CAST: variants seen among roughly 807,000 people sequenced by gnomAD.
CAST encodes MIR583 host.
In CAST, 76 loss-of-function variants were observed where a neutral mutation model predicts 119.6. The ratio of observed to expected loss-of-function variants is 0.64; its 90% CI spans 0.53 to 0.77. The LOEUF (loss-of-function observed/expected upper bound fraction) is 0.77, where lower values mean the gene tolerates loss of function less well. Among genes scored for constraint, CAST ranks in the 30% least tolerant of loss-of-function variants. The pLI is 0.00. For synonymous variants in CAST, 319 were observed against 331.6 expected (o/e 0.96, Z 0.41); for missense variants, 953 against 946.5 (o/e 1.01, Z -0.09).
rs970260031 is a variant in CAST, at chr5:96,590,250, T to C, written c.60+60370T>C. 2.0e-5 allele frequency among the ~76,000 whole-genome samples: 3 copies of C among 152,336 alleles called. No homozygotes were observed. The South Asian group carries it at 6.2e-4, about 32-fold the overall frequency. ...ATCTCAGACCTACTGAATCAGAATA[T>C]GCATTTTTAGTGAGATACCCAGATG... On this transcript the variant is annotated intron_variant, in intron 1 of 11. Coordinates refer to the CAST transcript ENST00000505143.
At chr5:96,119,539 T>C in the CAST span, among the ~76,000 whole-genome samples, 3 of 152,158 alleles carry the variant, frequency 2.0e-5, no homozygotes, top group African/African-American at 7.2e-5. Context: ...CCTGGAGATA[T>C]AAGCTGGAGG....
chr5:96,277,895 A>G, the CAST span, among the ~76,000 whole-genome samples: 69 of 152,338 alleles, frequency 4.5e-4, 2 homozygotes, highest in East Asian at 0.013. Context: ...AATAGCAGCC[A>G]GCAGGCCATG....
chr5:96,701,257 C>T (rs1485593992), intron 3 of CAST, among the ~76,000 whole-genome samples: 1 of 151,860 alleles, frequency 6.6e-6, no homozygotes, highest in East Asian at 1.9e-4. Flanking sequence ...CATGTGATTA[C>T]TCATCTGTAC....
intron 1 of CAST, among the ~76,000 whole-genome samples, chr5:96,559,246 A>G (rs1746307717): frequency 6.6e-6 from 1 of 152,194 alleles, no homozygotes; most frequent in South Asian, 2.1e-4. Context: ...CCCACAGCCA[A>G]TATCATACTG....
the CAST span, among the ~76,000 whole-genome samples, chr5:96,508,543 G>A: frequency 6.6e-6 from 1 of 152,102 alleles, no homozygotes; most frequent in Non-Finnish European, 1.5e-5. Context: ...GTGAATTTCT[G>A]GAATTTTGTT....
the CAST span, among the ~76,000 whole-genome samples, chr5:96,344,064 T>C: frequency 6.6e-6 from 1 of 152,244 alleles, no homozygotes; most frequent in Non-Finnish European, 1.5e-5. Context: ...CTTACCCTTG[T>C]GACCTTGATA....
At chr5:96,563,651 T>A (rs1055447661) in intron 1 of CAST, among the ~76,000 whole-genome samples, 4 of 110,496 alleles carry the variant, frequency 3.6e-5, no homozygotes, top group Non-Finnish European at 8.0e-5. Flanking sequence ...GTATTACTTA[T>A]AAAAAAAAAG....
At chr5:96,131,019 TC>T in the CAST span, among the ~76,000 whole-genome samples, 1 of 152,106 alleles carries the variant, frequency 6.6e-6, no homozygotes, top group Non-Finnish European at 1.5e-5. Context: ...AATTGTAGTT[TC>T]CCAATCTATC....
At chr5:96,655,038 T>G (rs1384483065) in intron 1 of CAST, among the ~76,000 whole-genome samples, 1 of 152,242 alleles carries the variant, frequency 6.6e-6, no homozygotes, top group Non-Finnish European at 1.5e-5. Flanking sequence ...AGCTCTACAA[T>G]GTACATGCTA....
the CAST span, among the ~76,000 whole-genome samples, chr5:96,342,379 G>A: frequency 0.012 from 1,886 of 152,304 alleles, 41 homozygotes; most frequent in African/African-American, 0.043. Flanking sequence ...TTAAAACAGA[G>A]TGCTGGGCCC....
At chr5:96,500,703 A>C in the CAST span, among the ~76,000 whole-genome samples, 1 of 152,326 alleles carries the variant, frequency 6.6e-6, no homozygotes, top group East Asian at 1.9e-4. Flanking sequence ...AGAATCTCCC[A>C]GTGACTTTGT....
At chr5:96,351,399 C>T in the CAST span, among the ~76,000 whole-genome samples, 5 of 152,132 alleles carry the variant, frequency 3.3e-5, no homozygotes, top group African/African-American at 4.8e-5. Context: ...ACTGTCTCTA[C>T]ACATTGCTTC....
At chr5:96,438,321 A>G in the CAST span, among the ~76,000 whole-genome samples, 2 of 152,184 alleles carry the variant, frequency 1.3e-5, no homozygotes, top group African/African-American at 4.8e-5. Context: ...ATCTGGTGTA[A>G]CCATATTACT....
At chr5:96,307,839 T>C in the CAST span, among the ~76,000 whole-genome samples, 1 of 152,250 alleles carries the variant, frequency 6.6e-6, no homozygotes, top group Non-Finnish European at 1.5e-5. Context: ...TCTGATGGGC[T>C]TCCTTTTGTG....
chr5:96,283,218 C>T, the CAST span, among the ~76,000 whole-genome samples: 2 of 151,902 alleles, frequency 1.3e-5, no homozygotes, highest in African/African-American at 4.8e-5. Flanking sequence ...GACTGGGCTC[C>T]ATTTATTTAT....
chr5:96,345,757 T>C, the CAST span, among the ~76,000 whole-genome samples: 1 of 152,144 alleles, frequency 6.6e-6, no homozygotes, highest in Non-Finnish European at 1.5e-5. Context: ...ACTAGGGACT[T>C]CAGTTCCCTG....
At chr5:95,971,417 C>T in the CAST span, among the ~76,000 whole-genome samples, 10 of 152,058 alleles carry the variant, frequency 6.6e-5, no homozygotes, top group African/African-American at 2.4e-4. Context: ...TGACAATTAT[C>T]CCAGAAAATT....
At chr5:96,420,311 A>G in the CAST span, among the ~76,000 whole-genome samples, 1 of 152,166 alleles carries the variant, frequency 6.6e-6, no homozygotes, top group Non-Finnish European at 1.5e-5. Context: ...CTGTGCCCCA[A>G]AAGAGTAGAT....
chr5:96,315,374 G>A, the CAST span, among the ~76,000 whole-genome samples: 1 of 152,182 alleles, frequency 6.6e-6, no homozygotes, highest in African/African-American at 2.4e-5. Context: ...TGGAAGGACT[G>A]ATAGGGAATA....
Sources: allele counts gnomAD v4.1 joint callset (sites outside exome capture counted in the v4.1 genomes callset), GRCh38; gene constraint gnomAD v4.1.1; transcripts MANE v1.5; gene names NCBI Gene and HGNC (gene_info 2026-07-23, HGNC 2026-07-21).